Variants in COG8 observed in about 807,000 individuals in gnomAD.
The protein encoded by COG8 is component of oligomeric golgi complex 8.
In COG8, 45 loss-of-function variants were observed where a neutral mutation model predicts 46.5. The ratio of observed to expected loss-of-function variants is 0.97; its 90% CI spans 0.76 to 1.24. The LOEUF is 1.24. Among genes scored for constraint, COG8 ranks in the 50% most tolerant of loss-of-function variants. The pLI, the probability that COG8 is intolerant of heterozygous loss-of-function variation, is 0.00. For missense variants in COG8, 793 were observed against 820.8 expected, an observed-to-expected ratio of 0.97 and a Z score of 0.41; for synonymous variants, 407 against 347.8, an observed-to-expected ratio of 1.17 and a Z score of -1.90.
Position 69,331,511 on chromosome 16 carries a change from A to AT in COG8, c.1583-417dup, listed in dbSNP as rs568053540. Among the ~76,000 whole-genome samples, 864 of 129,606 alleles carry AT rather than the reference A, an allele frequency of 6.7e-3. 6 individuals carry two copies. Among genetic ancestry groups the AT allele is most frequent in the African/African-American group, 0.02 (678 of 33,878 alleles). 85.0% of individuals were successfully genotyped at this position (129,606 alleles called of 152,430 possible). A position where few individuals can be genotyped will look rare whatever the true frequency, so the allele number is the denominator to read the frequency against. On this transcript the variant is annotated intron_variant, in intron 4 of 5. Coordinates refer to ENST00000306875, the MANE Select transcript of COG8 (RefSeq NM_032382.5). Reference sequence around the variant, plus strand: ...AAGGGAAAAAAAACGAGCCATTACTATTTTTTTTTTTGAGACAGTCTCGCT... The same window carrying AT: ...AAGGGAAAAAAAACGAGCCATTACTATTTTTTTTTTTTGAGACAGTCTCGCT...
In COG8 at chr16:69,339,534, TAGTCGCCGC is replaced by T. The variant is rs1567433768; in HGVS notation, c.10_18del (p.Ala4_Thr6del). 2.5e-6 allele frequency: 4 copies of T among 1,608,698 alleles called. No individual in the cohort carries two copies. Among genetic ancestry groups the T allele is most frequent in the Non-Finnish European group, 3.4e-6 (4 of 1,179,938 alleles). Reference sequence around the variant, plus strand: ...GCTGTGGCCGTGGCTACCGATGGGATAGTCGCCGCGGTCGCCATCTTCCCAGCAACAACG... The same window carrying T: ...GCTGTGGCCGTGGCTACCGATGGGATGGTCGCCATCTTCCCAGCAACAACG... On this transcript the variant is annotated inframe_deletion, in exon 1 of 6. Transcript: ENST00000306875.
chr16:69,332,592 T>G, intron 4 of COG8, 122 bp downstream of exon 4: 1 of 997,112 alleles, frequency 1.0e-6, no homozygotes, highest in Admixed American at 1.8e-5. Context: ...TTTGGAGTGA[T>G]GGAAATATTC....
At chr16:69,330,761 A>G in intron 5 of COG8, 52 bp downstream of exon 5, 1 of 1,458,452 alleles carries the variant, frequency 6.9e-7, no homozygotes, top group Non-Finnish European at 9.0e-7. Context: ...CCCGCCCCGG[A>G]CCTTCCAGGG....
At chr16:69,337,734 C>CA (rs1555503932) in intron 1 of COG8, among the ~76,000 whole-genome samples, 5 of 142,664 alleles carry the variant, frequency 3.5e-5, no homozygotes. Context: ...TCACAAAGGA[C>CA]TTTTTTTTTT....
intron 2 of COG8, 124 bp downstream of exon 2, chr16:69,336,381 C>T (rs1430324452): frequency 8.7e-6 from 7 of 807,004 alleles, no homozygotes; most frequent in African/African-American, 1.7e-5. Flanking sequence ...TCTGTTCAGG[C>T]ATACCTGGCT....
chr16:69,339,212 A>T lies in COG8; in HGVS notation c.341T>A (p.Leu114Gln). Reference sequence around the variant, plus strand: ...CTGGAAGCTGGGCAAACGGTCGAGCAGGCGGCCGAGCGACGCCTCCACGTC... The same window carrying T: ...CTGGAAGCTGGGCAAACGGTCGAGCTGGCGGCCGAGCGACGCCTCCACGTC... ...FGDVEASLGR[L>Q]LDRLPSFQQS... The change falls in exon 1 of 6, where the codon CTG becomes CAG. Residue 114 changes from leucine to glutamine, a missense_variant. Leu to Gln is a moderately radical substitution (Grantham distance 113, BLOSUM62 -2). Coordinates refer to ENST00000306875, the MANE Select transcript of COG8 (RefSeq NM_032382.5). 3 of 1,612,890 alleles carry T rather than the reference A, an allele frequency of 1.9e-6. No individual in the cohort carries two copies. In the South Asian group the frequency reaches 3.3e-5, roughly 18 times the overall value.
chr16:69,328,982 C>G lies in COG8; in HGVS notation c.*224G>C, dbSNP rs555436971. 3 of 1,585,014 alleles carry G rather than the reference C, an allele frequency of 1.9e-6. No individual in the cohort carries two copies. The highest frequency in any genetic ancestry group is 2.6e-6 in the Non-Finnish European group (3 of 1,172,224). ...GCCCAGCTCAAAGTGAAAGTGTTTGCGTCTTGGTATCCGGAATCCTCAGCC... is the reference window on the plus strand; with the variant it reads ...GCCCAGCTCAAAGTGAAAGTGTTTGGGTCTTGGTATCCGGAATCCTCAGCC... On this transcript the variant is annotated 3_prime_UTR_variant, in exon 6 of 6. Transcript: ENST00000306875.
intron 5 of COG8, chr16:69,330,477 A>G (rs2143313464): frequency 1.4e-6 from 2 of 1,473,204 alleles, no homozygotes; most frequent in Non-Finnish European, 1.8e-6. Context: ...GCGGCCGTGG[A>G]GCTGCAAGCC....
rs144045802 is a variant in COG8, at chr16:69,331,141, A to C, written c.1583-46T>G. On this transcript the variant is annotated intron_variant, in intron 4 of 5. Transcript: ENST00000306875. ...GCAAAATGGAAAACAGTTACTAATAAAACTCAATATAGAAATTTAAGGGAG... is the reference window on the plus strand; with the variant it reads ...GCAAAATGGAAAACAGTTACTAATACAACTCAATATAGAAATTTAAGGGAG... 6.6e-4 allele frequency: 1,062 copies of C among 1,608,364 alleles called. 3 individuals carry two copies. In the African/African-American group the frequency reaches 7.1e-3, roughly 11 times the overall value.
rs538921538 is a variant in COG8 at position 69,335,003 on chromosome 16, C to T, written c.931G>A (p.Glu311Lys). 6.0e-5 allele frequency: 97 copies of T among 1,614,176 alleles called. No individual in the cohort carries two copies. In the South Asian group the frequency reaches 1.0e-3, roughly 17 times the overall value. Residue 311 changes from glutamate (E) to lysine (K), a missense_variant, in exon 3 of 6, where the codon GAG becomes AAG. Coordinates refer to ENST00000306875, the MANE Select transcript of COG8 (RefSeq NM_032382.5). Reference protein sequence around the residue: ...PPAMGEHTVNESAIFHGWVLQ... With the variant: ...PPAMGEHTVNKSAIFHGWVLQ... ...ACCCAGCCATGGAAGATGGCACTCT[C>T]ATTCACAGTGTGCTCACCCATGGCA...
intron 5 of COG8, chr16:69,330,272 ACCAGCCGTTGCG>A: frequency 7.0e-7 from 1 of 1,437,716 alleles, no homozygotes. Flanking sequence ...CATCACCTGG[ACCAGCCGTTGCG>A]TCAGCCGCTG....
At position 69,327,393 on chromosome 16, in the gene COG8, C is replaced by CCTGACCTCA. The variant is rs1481286098; in HGVS notation, c.*1804_*1812dup. ...ATGTTGGCCAGGCTGGTCTTGAACT[C>CCTGACCTCA]CTGACCTCAGGTGATCTGCCTGCCT... On this transcript the variant is annotated 3_prime_UTR_variant, in exon 6 of 6. Transcript: ENST00000306875. 2 of 151,988 alleles carry CCTGACCTCA rather than the reference C, an allele frequency of 1.3e-5. No individual in the cohort carries two copies. Among genetic ancestry groups the CCTGACCTCA allele is most frequent in the Admixed American group, 6.6e-5 (1 of 15,260 alleles). The allele number at this position is 151,988 out of a possible 1,614,324, so 9.4% of individuals were successfully genotyped here. A position where few individuals can be genotyped will look rare whatever the true frequency, so the allele number is the denominator to read the frequency against.
rs959215379 is a variant in COG8 at position 69,330,010 on chromosome 16, C to T, written c.*26+803G>A. On this transcript the variant is annotated intron_variant, in intron 5 of 5. Coordinates refer to ENST00000306875, the MANE Select transcript of COG8 (RefSeq NM_032382.5). ...CGCCGCCCGCACCTGAGATCTGCAC[C>T]GCCTGGAAGCGGGGCACGCAGGCCA... is the stretch of plus-strand genomic sequence containing the variant. The T allele has an allele frequency of 2.1e-5, 32 of 1,538,622 alleles. No individual in the cohort carries two copies. In the East Asian group the frequency reaches 5.7e-4, roughly 27 times the overall value.
chr16:69,333,937 A>T (rs1371995804), intron 3 of COG8, among the ~76,000 whole-genome samples: 1 of 152,238 alleles, frequency 6.6e-6, no homozygotes, highest in African/African-American at 2.4e-5. Context: ...GAAGTTTTTA[A>T]AAGGAGGTAC....
intron 3 of COG8, among the ~76,000 whole-genome samples, chr16:69,333,553 A>G (rs1248220369): frequency 5.3e-5 from 8 of 152,040 alleles, no homozygotes; most frequent in Non-Finnish European, 1.5e-5. Flanking sequence ...CAAGCTTTCT[A>G]CTAAGCCCCG....
intron 1 of COG8, among the ~76,000 whole-genome samples, chr16:69,338,047 AAG>A (rs2012304762): frequency 6.7e-6 from 1 of 150,344 alleles, no homozygotes; most frequent in Admixed American, 6.6e-5. Flanking sequence ...TTCTTTTTTT[AAG>A]AGAGTTTCAC....
intron 5 of COG8, among the ~76,000 whole-genome samples, chr16:69,329,427 C>G (rs1033207933): frequency 6.6e-6 from 1 of 152,232 alleles, no homozygotes; most frequent in Non-Finnish European, 1.5e-5. Context: ...GATGAGAAAT[C>G]ATCTTTCTAC....
chr16:69,334,757 C>A lies in COG8; in HGVS notation c.1177G>T (p.Glu393Ter). The A allele has an allele frequency of 6.2e-7, 1 of 1,614,176 alleles. No homozygotes were observed. The highest frequency in any genetic ancestry group is 8.5e-7 in the Non-Finnish European group (1 of 1,180,050). The change falls in exon 3 of 6, where the codon GAA (glutamate) becomes TAA (stop). Residue 393 changes from glutamate to a stop codon, truncating the protein, a stop_gained. Transcript: ENST00000306875. LOFTEE classifies it high-confidence loss of function. ...GAGATGAGCATGTAGGAGTTCATTT[C>A]TTCCTGGAATTTCTCCACTGTTTCC... The part of the protein sequence containing the change: ...IQETVEKFQE[E>*]MNSYMLISAP...
chr16:69,336,832 C>T (rs1218950200), intron 1 of COG8, 120 bp from the exon 2 acceptor site: 1 of 883,554 alleles, frequency 1.1e-6, no homozygotes, highest in African/African-American at 1.7e-5. Context: ...TTCCTCACAC[C>T]CCACCTATAA....
Sources: gnomAD v4.1 joint callset for allele counts (sites outside exome capture counted in the v4.1 genomes callset) on GRCh38, gnomAD v4.1.1 for gene constraint, MANE v1.5 for transcripts, NCBI Gene and HGNC (gene_info 2026-07-23, HGNC 2026-07-21) for gene names.